The following IPO11 variants were observed in gnomAD, a reference collection of about 807,000 sequenced individuals.
IPO11 encodes importin 11, also known as importin-11.
In IPO11, 66 loss-of-function variants were observed where a neutral mutation model predicts 143.2. That is an observed-to-expected ratio of 0.46 (90% confidence interval 0.38 to 0.57). The LOEUF (loss-of-function observed/expected upper bound fraction) is 0.57, where lower values mean the gene tolerates loss of function less well. IPO11 is among the 20% of genes least tolerant of loss of function. The pLI, the probability that IPO11 is intolerant of heterozygous loss-of-function variation, is 0.00. For missense variants in IPO11, 1,026 were observed against 1,141.0 expected (o/e 0.90, Z 1.45); for synonymous variants, 385 against 377.8 (o/e 1.02, Z -0.22).
chr5:62,503,369 CT>C (rs1415865499), intron 16 of IPO11, among the ~76,000 whole-genome samples: 1 of 140,712 alleles, frequency 7.1e-6, no homozygotes, highest in Non-Finnish European at 1.6e-5. Context: ...TTAATAGTAT[CT>C]ACTAATATAT....
At chr5:62,506,406 A>G (rs754811578) in intron 19 of IPO11, 49 bp downstream of exon 19, 2 of 1,021,302 alleles carry the variant, frequency 2.0e-6, no homozygotes, top group South Asian at 1.4e-5. Context: ...GGTAGAATAG[A>G]CGTAGAATTC....
At chr5:62,556,688 T>G (rs1355593686) in intron 26 of IPO11, among the ~76,000 whole-genome samples, 1 of 152,212 alleles carries the variant, frequency 6.6e-6, no homozygotes, top group Non-Finnish European at 1.5e-5. Flanking sequence ...AGTTTAAATT[T>G]TTTTTAAACC....
intron 3 of IPO11, among the ~76,000 whole-genome samples, chr5:62,445,679 A>C (rs1744695529): frequency 6.6e-6 from 1 of 152,170 alleles, no homozygotes; most frequent in African/African-American, 2.4e-5. Context: ...TTTGTGTTGG[A>C]TGCTTTTGCC....
chr5:62,468,776 T>G (rs919274701), intron 6 of IPO11, among the ~76,000 whole-genome samples: 2 of 152,230 alleles, frequency 1.3e-5, no homozygotes, highest in African/African-American at 4.8e-5. Flanking sequence ...TCTGAAGGTC[T>G]TAGATTCACA....
intron 5 of IPO11, among the ~76,000 whole-genome samples, chr5:62,462,188 C>G (rs1388802023): frequency 1.3e-5 from 2 of 152,022 alleles, no homozygotes; most frequent in African/African-American, 2.4e-5. Context: ...ACTGAACTTT[C>G]TAACACATTT....
intron 29 of IPO11, among the ~76,000 whole-genome samples, chr5:62,609,662 C>A (rs1379626116): frequency 6.6e-6 from 1 of 152,348 alleles, no homozygotes; most frequent in Non-Finnish European, 1.5e-5. Context: ...TCTAGTGGAG[C>A]AGTCTGGAGA....
intron 15 of IPO11, among the ~76,000 whole-genome samples, chr5:62,491,909 A>G (rs750942128): frequency 1.7e-4 from 26 of 151,968 alleles, no homozygotes; most frequent in Non-Finnish European, 8.8e-5. Context: ...TGACCTCGTG[A>G]TCTGCCCGCC....
At chr5:62,502,592 C>G (rs1741383927) in intron 16 of IPO11, among the ~76,000 whole-genome samples, 1 of 152,080 alleles carries the variant, frequency 6.6e-6, no homozygotes, top group South Asian at 2.1e-4. Context: ...TTCATTTCAC[C>G]TTTTTCTCTG....
chr5:62,496,149 A>G (rs1473228897), intron 16 of IPO11, among the ~76,000 whole-genome samples: 2 of 152,128 alleles, frequency 1.3e-5, no homozygotes, highest in Non-Finnish European at 1.5e-5. Context: ...TTAGCTGGGC[A>G]TGGTGGCATG....
At chr5:62,533,669 A>G (rs1012053312) in intron 22 of IPO11, among the ~76,000 whole-genome samples, 19 of 152,212 alleles carry the variant, frequency 1.2e-4, no homozygotes, top group Non-Finnish European at 2.2e-4. Flanking sequence ...TATGATAGGT[A>G]TTATATTTTT....
At chr5:62,612,484 A>G (rs1430201012) in intron 29 of IPO11, among the ~76,000 whole-genome samples, 1 of 152,206 alleles carries the variant, frequency 6.6e-6, no homozygotes, top group Non-Finnish European at 1.5e-5. Context: ...AAAACACATA[A>G]TGCAACAGAT....
In IPO11 at chr5:62,559,872, C is replaced by T. The variant is rs1015863758; in HGVS notation, c.2461-1264C>T. Reference sequence around the variant, plus strand: ...CAGAGGTTGCAGTGAACTGAGATCACGCCATTGCACTTCAGCCTGGGCAAC... The same window carrying T: ...CAGAGGTTGCAGTGAACTGAGATCATGCCATTGCACTTCAGCCTGGGCAAC... On this transcript the variant is annotated intron_variant, in intron 26 of 29. Transcript: ENST00000325324. Among the ~76,000 whole-genome samples the T allele has an allele frequency of 5.3e-5, 7 of 133,070 alleles. 1 individual carries two copies. The highest frequency in any genetic ancestry group is 2.7e-4 in the Admixed American group (3 of 11,142). 87.3% of individuals were successfully genotyped at this position (133,070 alleles called of 152,430 possible).
rs143785059 is a variant in IPO11 at position 62,540,604 on chromosome 5, A to G, written c.2250+3315A>G. On this transcript the variant is annotated intron_variant, in intron 24 of 29. Transcript: ENST00000325324. ...CGTAGCATAGCAGGTAAGACTACAC[A>G]CTGAAGGGAGACTTCCAGGGTTAGA... Among the ~76,000 whole-genome samples the G allele has an allele frequency of 7.3e-3, 1,109 of 152,356 alleles. 14 individuals are homozygous for G. Among genetic ancestry groups the G allele is most frequent in the African/African-American group, 0.025 (1,040 of 41,592 alleles).
intron 24 of IPO11, among the ~76,000 whole-genome samples, chr5:62,541,101 G>C (rs1056506352): frequency 1.3e-5 from 2 of 152,168 alleles, no homozygotes; most frequent in Non-Finnish European, 2.9e-5. Flanking sequence ...GCCAGGTGCC[G>C]TGGCTCAGGC....
chr5:62,441,199 A>C (rs1431277902), intron 2 of IPO11, among the ~76,000 whole-genome samples: 2 of 152,140 alleles, frequency 1.3e-5, no homozygotes, highest in Non-Finnish European at 2.9e-5. Context: ...ATGTAGCTTT[A>C]TCTCTCTTGT....
intron 29 of IPO11, among the ~76,000 whole-genome samples, chr5:62,623,620 A>ATTTC (rs1261413818): frequency 6.9e-6 from 1 of 144,286 alleles, no homozygotes; most frequent in Non-Finnish European, 1.5e-5. Flanking sequence ...TTCTATGGGT[A>ATTTC]TTTCTTTCTT....
intron 8 of IPO11, among the ~76,000 whole-genome samples, chr5:62,475,245 C>T (rs189054253): frequency 1.8e-4 from 27 of 152,036 alleles, no homozygotes; most frequent in African/African-American, 5.8e-4. Context: ...TGAGGCCAGG[C>T]GTGGTGACTC....
At chr5:62,416,413 C>T (rs1234329027) in intron 1 of IPO11, among the ~76,000 whole-genome samples, 1 of 151,948 alleles carries the variant, frequency 6.6e-6, no homozygotes, top group Non-Finnish European at 1.5e-5. Flanking sequence ...AACTCCTGAC[C>T]TCAGGTGATC....
At chr5:62,430,651 T>TATTTA (rs557642242) in intron 1 of IPO11, among the ~76,000 whole-genome samples, 13 of 151,842 alleles carry the variant, frequency 8.6e-5, no homozygotes, top group East Asian at 1.9e-4. Context: ...TTTAGCAGTG[T>TATTTA]ATTTAATTTA....
Sources: gnomAD v4.1 joint callset for allele counts (sites outside exome capture counted in the v4.1 genomes callset) on GRCh38, gnomAD v4.1.1 for gene constraint, MANE v1.5 for transcripts, NCBI Gene and HGNC (gene_info 2026-07-23, HGNC 2026-07-21) for gene names.